NOVA1: variants seen among roughly 807,000 people sequenced by gnomAD.
The protein encoded by NOVA1 is RNA-binding protein Nova-1.
In NOVA1, 7 loss-of-function variants were observed where a neutral mutation model predicts 38.0. The observed-to-expected ratio is 0.18, with a 90% CI of 0.10 to 0.35. NOVA1 has a LOEUF of 0.35. Among genes scored for constraint, NOVA1 ranks in the 10% least tolerant of loss-of-function variants. The probability of loss-of-function intolerance (pLI) is 1.00; values close to 1 mark genes in which losing one functional copy is unlikely to be tolerated. For synonymous variants in NOVA1, 270 were observed against 232.5 expected, an observed-to-expected ratio of 1.16 and a Z score of -1.47; for missense variants, 460 against 616.0, an observed-to-expected ratio of 0.75 and a Z score of 2.68.
At chr14:26,461,417 G>C (rs1382938385) in intron 4 of NOVA1, among the ~76,000 whole-genome samples, 1 of 151,930 alleles carries the variant, frequency 6.6e-6, no homozygotes, top group Non-Finnish European at 1.5e-5. Flanking sequence ...AACATTACTG[G>C]TGTGCTGCTT....
At chr14:26,467,897 C>T (rs1594348264) in intron 4 of NOVA1, among the ~76,000 whole-genome samples, 1 of 152,184 alleles carries the variant, frequency 6.6e-6, no homozygotes, top group East Asian at 1.9e-4. Flanking sequence ...AAGCAAGAAA[C>T]ATTGTGGGGG....
intron 2 of NOVA1, among the ~76,000 whole-genome samples, chr14:26,594,877 T>C (rs961252661): frequency 1.4e-4 from 22 of 152,224 alleles, no homozygotes; most frequent in African/African-American, 4.6e-4. Context: ...CTTATATCAA[T>C]TGCATTAAAA....
At chr14:26,549,980 T>C (rs1270782616) in intron 2 of NOVA1, among the ~76,000 whole-genome samples, 1 of 152,174 alleles carries the variant, frequency 6.6e-6, no homozygotes, top group Non-Finnish European at 1.5e-5. Flanking sequence ...ACAAGAGACC[T>C]ACACAGATGG....
In NOVA1 at chr14:26,472,381, GAT is replaced by G. The variant is rs1884652802; in HGVS notation, c.456_457del (p.Ser153PhefsTer11). On this transcript the variant is annotated frameshift_variant, in exon 4 of 5. Coordinates refer to ENST00000539517, the MANE Select transcript of NOVA1 (RefSeq NM_002515.3). LOFTEE classifies it high-confidence loss of function. ...AGAGGACTTGGTGGTAGTTGGGGAA[GAT>G]GGCAATGTCTGGGAAACAAAGCAGT... 23 of 1,535,630 alleles carry G rather than the reference GAT, an allele frequency of 1.5e-5. No individual in the cohort carries two copies. Among genetic ancestry groups the G allele is most frequent in the Non-Finnish European group, 2.0e-5 (23 of 1,135,252 alleles).
At chr14:26,512,756 A>G (rs1888194569) in intron 2 of NOVA1, among the ~76,000 whole-genome samples, 1 of 152,078 alleles carries the variant, frequency 6.6e-6, no homozygotes, top group African/African-American at 2.4e-5. Flanking sequence ...GCATAATTTG[A>G]AAAGTAGAAA....
chr14:26,450,806 A>G (rs914149591), intron 4 of NOVA1, among the ~76,000 whole-genome samples: 1 of 152,144 alleles, frequency 6.6e-6, no homozygotes, highest in African/African-American at 2.4e-5. Context: ...GAGAAAATGC[A>G]CTTTTAAGGA....
chr14:26,518,926 T>C (rs1039818375), intron 2 of NOVA1, among the ~76,000 whole-genome samples: 1 of 152,060 alleles, frequency 6.6e-6, no homozygotes, highest in Non-Finnish European at 1.5e-5. Flanking sequence ...TACTAAATTA[T>C]ATACTTTTTC....
intron 2 of NOVA1, among the ~76,000 whole-genome samples, chr14:26,526,589 T>A (rs113726206): frequency 7.9e-5 from 3 of 38,118 alleles, no homozygotes; most frequent in Non-Finnish European, 6.8e-4. Context: ...AATAAAAAAA[T>A]ATACTCACTT....
chr14:26,572,948 G>T (rs1453166920), intron 2 of NOVA1, among the ~76,000 whole-genome samples: 2 of 152,070 alleles, frequency 1.3e-5, no homozygotes, highest in East Asian at 3.9e-4. Flanking sequence ...ATAATAAAGT[G>T]TACATAAAAC....
intron 2 of NOVA1, among the ~76,000 whole-genome samples, chr14:26,553,816 C>G (rs1416791783): frequency 4.0e-5 from 6 of 151,896 alleles, no homozygotes; most frequent in Non-Finnish European, 5.9e-5. Context: ...GTACATGTAC[C>G]TCATCAGAGA....
chr14:26,490,899 G>C (rs1022413424), intron 2 of NOVA1, among the ~76,000 whole-genome samples: 1 of 144,856 alleles, frequency 6.9e-6, no homozygotes, highest in Non-Finnish European at 1.5e-5. Flanking sequence ...GCCCAGGCTG[G>C]AGTGCAGTGG....
At chr14:26,493,795 CT>C (rs1169152565) in intron 2 of NOVA1, among the ~76,000 whole-genome samples, 7 of 152,122 alleles carry the variant, frequency 4.6e-5, no homozygotes, top group African/African-American at 1.7e-4. Context: ...ACTCATTAAT[CT>C]GCCCCCTGTG....
chr14:26,542,987 CACT>C (rs1890563621), intron 2 of NOVA1, among the ~76,000 whole-genome samples: 1 of 151,672 alleles, frequency 6.6e-6, no homozygotes, highest in African/African-American at 2.4e-5. Flanking sequence ...AAATAAACAC[CACT>C]GAGTTAAAAA....
intron 2 of NOVA1, chr14:26,588,314 A>G (rs915771693): frequency 2.0e-5 from 3 of 151,500 alleles, no homozygotes; most frequent in African/African-American, 7.2e-5. Context: ...AGAAAAATAT[A>G]ACATCAATTT....
chr14:26,524,455 A>C (rs1041347572), intron 2 of NOVA1, among the ~76,000 whole-genome samples: 1 of 152,122 alleles, frequency 6.6e-6, no homozygotes, highest in African/African-American at 2.4e-5. Context: ...TAATGCTTTA[A>C]TATTATTATA....
chr14:26,562,721 C>A (rs939236501), intron 2 of NOVA1, among the ~76,000 whole-genome samples: 1 of 152,060 alleles, frequency 6.6e-6, no homozygotes, highest in South Asian at 2.1e-4. Context: ...ATAATGTTAG[C>A]GCTGAATACT....
At position 26,480,109 on chromosome 14, in the gene NOVA1, C is replaced by T. The variant is rs991135747; in HGVS notation, c.315G>A (p.Thr105=). 3.7e-6 allele frequency: 6 copies of T among 1,613,738 alleles called. No homozygotes were observed. Among genetic ancestry groups the T allele is most frequent in the Non-Finnish European group, 5.1e-6 (6 of 1,179,904 alleles). ...CATGAACTGCATTCAGTGCTTCAAC[C>T]GTTCCCTGGATCAAGCACACTCGCT... is the stretch of plus-strand genomic sequence containing the variant. ...TTERVCLIQG[T]VEALNAVHGF... The change falls in exon 3 of 5, where the codon ACG becomes ACA. Residue 105 remains threonine (T), a synonymous_variant. Coordinates refer to ENST00000539517, the MANE Select transcript of NOVA1 (RefSeq NM_002515.3).
chr14:26,585,580 A>G (rs994259113), intron 2 of NOVA1, among the ~76,000 whole-genome samples: 1 of 151,336 alleles, frequency 6.6e-6, no homozygotes, highest in Non-Finnish European at 1.5e-5. Flanking sequence ...TTCCTTACTG[A>G]ACATATGGCC....
At position 26,472,400 on chromosome 14, in the gene NOVA1, C is replaced by A. The variant is rs757852769; in HGVS notation, c.448-9G>T. On this transcript the variant is annotated splice_polypyrimidine_tract_variant and intron_variant, in intron 3 of 4. Transcript: ENST00000539517. ...GGGGAAGATGGCAATGTCTGGGAAA[C>A]AAAGCAGTTCAGGAGCAAATCAACC... 6.7e-7 allele frequency: 1 copy of A among 1,485,248 alleles called. No individual in the cohort carries two copies. Among genetic ancestry groups the A allele is most frequent in the Non-Finnish European group, 9.1e-7 (1 of 1,100,190 alleles). The allele number at this position is 1,485,248 out of a possible 1,614,324, so 92.0% of individuals were successfully genotyped here.
Sources: allele counts gnomAD v4.1 joint callset (sites outside exome capture counted in the v4.1 genomes callset), GRCh38; gene constraint gnomAD v4.1.1; transcripts MANE v1.5; gene names NCBI Gene and HGNC (gene_info 2026-07-23, HGNC 2026-07-21).